The following GRIK2 variants were observed in gnomAD, a reference collection of about 807,000 sequenced individuals.
The protein encoded by GRIK2 is glutamate receptor ionotropic, kainate 2.
GRIK2 carries 32 observed loss-of-function variants against 100.3 expected under a neutral mutation model. The ratio of observed to expected loss-of-function variants is 0.32; its 90% CI spans 0.24 to 0.43. The LOEUF (loss-of-function observed/expected upper bound fraction) is 0.43, where lower values mean the gene tolerates loss of function less well. GRIK2 is among the 20% of genes least tolerant of loss of function. The pLI, the probability that GRIK2 is intolerant of heterozygous loss-of-function variation, is 1.00. For synonymous variants in GRIK2, 417 were observed against 389.4 expected (o/e 1.07, Z -0.83); for missense variants, 843 against 1,114.9 (o/e 0.76, Z 3.47).
chr6:101,944,156 T>C (rs1325602984), intron 14 of GRIK2, among the ~76,000 whole-genome samples: 1 of 152,196 alleles, frequency 6.6e-6, no homozygotes, highest in Admixed American at 6.6e-5. Context: ...ATGTAAGGCA[T>C]GTCTTGCTTC....
At chr6:101,638,708 A>G (rs1451164536) in intron 4 of GRIK2, among the ~76,000 whole-genome samples, 1 of 146,426 alleles carries the variant, frequency 6.8e-6, no homozygotes, top group Non-Finnish European at 1.6e-5. Flanking sequence ...GTAGATCTGT[A>G]GATATATGAT....
chr6:101,463,411 G>T (rs1304549166), intron 2 of GRIK2, among the ~76,000 whole-genome samples: 1 of 152,090 alleles, frequency 6.6e-6, no homozygotes, highest in Non-Finnish European at 1.5e-5. Context: ...GAGAGTTATT[G>T]ACTGTCTTGA....
chr6:101,984,614 A>AACACACACACACACACACACACACACAC (rs10678285), intron 14 of GRIK2, among the ~76,000 whole-genome samples: 1 of 129,158 alleles, frequency 7.7e-6, no homozygotes, highest in Admixed American at 8.1e-5. Flanking sequence ...TACACATTAA[A>AACACACACACACACACACACACACACAC]ACACACACAC....
chr6:101,940,080 T>A (rs1161458597), intron 14 of GRIK2, among the ~76,000 whole-genome samples: 2 of 151,752 alleles, frequency 1.3e-5, no homozygotes, highest in African/African-American at 4.9e-5. Context: ...AGAAAAAAAA[T>A]AATTAACTTT....
chr6:101,794,808 G>T (rs1780174917), intron 7 of GRIK2, among the ~76,000 whole-genome samples: 1 of 131,376 alleles, frequency 7.6e-6, no homozygotes, highest in Admixed American at 7.3e-5. Flanking sequence ...TATTTCTTGT[G>T]TCCTTTTCTG....
chr6:101,400,423 T>A (rs1193139637), intron 2 of GRIK2, among the ~76,000 whole-genome samples: 4 of 152,048 alleles, frequency 2.6e-5, no homozygotes. Context: ...TCAGGGAAAG[T>A]TCCCTAAAGC....
chr6:101,857,547 G>C (rs1044444234), intron 10 of GRIK2, among the ~76,000 whole-genome samples: 1 of 152,210 alleles, frequency 6.6e-6, no homozygotes, highest in Non-Finnish European at 1.5e-5. Flanking sequence ...TGGGATGACT[G>C]TTGTTCTCCA....
At chr6:101,942,063 T>C (rs1790988885) in intron 14 of GRIK2, among the ~76,000 whole-genome samples, 1 of 152,106 alleles carries the variant, frequency 6.6e-6, no homozygotes, top group African/African-American at 2.4e-5. Context: ...TATTACAAGA[T>C]GGTCACGATG....
intron 12 of GRIK2, among the ~76,000 whole-genome samples, chr6:101,893,689 A>G (rs969753699): frequency 1.3e-5 from 2 of 151,858 alleles, no homozygotes; most frequent in African/African-American, 4.8e-5. Context: ...GCCTCTAGTA[A>G]GCACTAATTA....
intron 14 of GRIK2, among the ~76,000 whole-genome samples, chr6:102,030,717 G>T (rs984749750): frequency 6.6e-6 from 1 of 151,022 alleles, no homozygotes; most frequent in Non-Finnish European, 1.5e-5. Flanking sequence ...ATGCCAGCTG[G>T]TGAAATTCAA....
chr6:101,769,731 G>C (rs560073288), intron 7 of GRIK2, among the ~76,000 whole-genome samples: 1 of 152,304 alleles, frequency 6.6e-6, no homozygotes, highest in South Asian at 2.1e-4. Context: ...GTAACAGTGA[G>C]AGAGGCCCTC....
intron 14 of GRIK2, among the ~76,000 whole-genome samples, chr6:101,978,936 T>C (rs1793559043): frequency 6.6e-6 from 1 of 152,156 alleles, no homozygotes; most frequent in African/African-American, 2.4e-5. Flanking sequence ...TCTCAACTGC[T>C]ATTTTATTCC....
At chr6:101,420,532 T>TA (rs1776363804) in intron 2 of GRIK2, among the ~76,000 whole-genome samples, 1 of 152,124 alleles carries the variant, frequency 6.6e-6, no homozygotes, top group Non-Finnish European at 1.5e-5. Context: ...AGTTGTTAGA[T>TA]ATACAGATTC....
chr6:101,618,348 G>A (rs1779995078), intron 2 of GRIK2, among the ~76,000 whole-genome samples: 1 of 151,456 alleles, frequency 6.6e-6, no homozygotes, highest in African/African-American at 2.4e-5. Context: ...TTTTTCATCA[G>A]ATACTATTTC....
At chr6:102,005,473 CAAG>C (rs759216460) in intron 14 of GRIK2, among the ~76,000 whole-genome samples, 3 of 151,824 alleles carry the variant, frequency 2.0e-5, no homozygotes, top group Admixed American at 6.6e-5. Flanking sequence ...GATTCTTGGC[CAAG>C]AAGAACAATT....
intron 4 of GRIK2, among the ~76,000 whole-genome samples, chr6:101,627,570 G>A (rs775860519): frequency 3.9e-5 from 6 of 152,092 alleles, no homozygotes; most frequent in Non-Finnish European, 7.4e-5. Context: ...ATTTTATCTG[G>A]CTGTTTATGT....
intron 7 of GRIK2, among the ~76,000 whole-genome samples, chr6:101,769,986 G>T (rs1041279362): frequency 1.6e-4 from 24 of 152,156 alleles, no homozygotes; most frequent in African/African-American, 4.8e-4. Flanking sequence ...ATGTTTTTGT[G>T]TAAGGTTCTG....
At chr6:101,418,098 A>G (rs1776235831) in intron 2 of GRIK2, among the ~76,000 whole-genome samples, 1 of 152,190 alleles carries the variant, frequency 6.6e-6, no homozygotes, top group East Asian at 1.9e-4. Context: ...CAGATCTGAG[A>G]GGAGGAAGGC....
intron 14 of GRIK2, among the ~76,000 whole-genome samples, chr6:101,982,901 CA>C (rs1052539167): frequency 2.0e-5 from 3 of 151,616 alleles, no homozygotes; most frequent in African/African-American, 7.3e-5. Context: ...TTTACTTCCA[CA>C]AAGGTAAATC....
Sources: allele counts gnomAD v4.1 joint callset (sites outside exome capture counted in the v4.1 genomes callset), GRCh38; gene constraint gnomAD v4.1.1; transcripts MANE v1.5; gene names NCBI Gene and HGNC (gene_info 2026-07-23, HGNC 2026-07-21).